ELL: variants seen among roughly 807,000 people sequenced by gnomAD.
The protein encoded by ELL is RNA polymerase II elongation factor ELL.
In ELL, 18 loss-of-function variants were observed where a neutral mutation model predicts 64.0. The ratio of observed to expected loss-of-function variants is 0.28; its 90% CI spans 0.19 to 0.42. ELL has a LOEUF of 0.42. Among genes scored for constraint, ELL ranks in the 10% least tolerant of loss-of-function variants. ELL has a pLI of 1.00. For synonymous variants in ELL, 399 were observed against 376.2 expected, an observed-to-expected ratio of 1.06 and a Z score of -0.70; for missense variants, 797 against 870.4, an observed-to-expected ratio of 0.92 and a Z score of 1.06.
rs946628598 is a variant in ELL, at chr19:18,450,945, G to A, written c.997C>T (p.Pro333Ser). The A allele has an allele frequency of 2.6e-6, 4 of 1,530,476 alleles. No homozygotes were observed. The highest frequency in any genetic ancestry group is 3.5e-6 in the Non-Finnish European group (4 of 1,138,970). 94.8% of individuals were successfully genotyped at this position (1,530,476 alleles called of 1,614,324 possible). Reference protein sequence around the residue: ...KRLQPPDFIDPLANKKPRISH... With the variant: ...KRLQPPDFIDSLANKKPRISH... The stretch of plus-strand genomic sequence containing the variant: ...ATCCGGGGTTTCTTGTTGGCTAGGG[G>A]GTCGATGAAATCAGGAGGCTGCAGC... The change falls in exon 8 of 12, where the codon CCC (proline) becomes TCC (serine). Residue 333 changes from proline to serine, a missense_variant. Pro to Ser is a moderately conservative substitution (Grantham distance 74). Transcript: ENST00000262809.
chr19:18,462,428 C>G (rs1351205183), intron 4 of ELL, among the ~76,000 whole-genome samples: 1 of 147,708 alleles, frequency 6.8e-6, no homozygotes, highest in East Asian at 2.0e-4. Context: ...GCTCTGTCAC[C>G]CAGGCTGGAG....
chr19:18,520,491 T>A (rs1600516615), intron 1 of ELL, among the ~76,000 whole-genome samples: 1 of 151,262 alleles, frequency 6.6e-6, no homozygotes. Flanking sequence ...CAAAAAAAAA[T>A]GAAATCCTCA....
intron 1 of ELL, among the ~76,000 whole-genome samples, chr19:18,498,065 T>C (rs1462857876): frequency 6.6e-6 from 1 of 150,760 alleles, no homozygotes; most frequent in African/African-American, 2.4e-5. Context: ...GAGGTGGAGG[T>C]TGGATGAGCC....
chr19:18,493,849 G>T (rs1255460660), intron 1 of ELL, among the ~76,000 whole-genome samples: 1 of 152,166 alleles, frequency 6.6e-6, no homozygotes, highest in Non-Finnish European at 1.5e-5. Context: ...TTGCTCTCTT[G>T]TCTGCACACA....
In ELL at chr19:18,458,205, C is replaced by G; in HGVS notation, c.869G>C (p.Arg290Pro). Reference protein sequence around the residue: ...DQQLLKRVLVRKLCQPQSTGS... With the variant: ...DQQLLKRVLVPKLCQPQSTGS... ...GCTGGGGGATGGGAGGCGGCATTAC[C>G]GGACGAGCACCCGCTTCAGCAGCTG... is the stretch of plus-strand genomic sequence containing the variant. The change falls in exon 6 of 12, where the codon CGG (arginine) becomes CCG (proline). Residue 290 changes from arginine to proline, a missense_variant and splice_region_variant. Physicochemically the swap from Arg to Pro is moderately radical, Grantham distance 103 (BLOSUM62 -2). Transcript: ENST00000262809. 1 of 1,608,922 alleles carries G rather than the reference C, an allele frequency of 6.2e-7. No homozygotes were observed. The highest frequency in any genetic ancestry group is 8.5e-7 in the Non-Finnish European group (1 of 1,179,832).
In ELL at chr19:18,450,771, G is replaced by A. The variant is rs776863035; in HGVS notation, c.1171C>T (p.Pro391Ser). 7 of 1,580,306 alleles carry A rather than the reference G, an allele frequency of 4.4e-6. No individual in the cohort carries two copies. In the African/African-American group the frequency reaches 6.7e-5, roughly 15 times the overall value. Residue 391 changes from proline (P) to serine (S), a missense_variant, in exon 8 of 12, where the codon CCG (proline) becomes TCG (serine). Pro to Ser is a moderately conservative substitution (Grantham distance 74). Coordinates refer to ENST00000262809, the MANE Select transcript of ELL (RefSeq NM_006532.4). The stretch of plus-strand genomic sequence containing the variant: ...TCGGCCAGGGGGTCGTGGGCCCTCG[G>A]GGGCTCCAGCCGCGGGGGCAGGTGA... ...STHLPPRLEP[P>S]RAHDPLADVS...
intron 1 of ELL, among the ~76,000 whole-genome samples, chr19:18,497,628 G>A (rs1186889093): frequency 6.6e-6 from 1 of 151,858 alleles, no homozygotes; most frequent in Non-Finnish European, 1.5e-5. Context: ...AGACCAGCCT[G>A]AGCAACACAG....
chr19:18,446,178 A>T (rs1337022798), intron 10 of ELL, 131 bp downstream of exon 10: 2 of 1,152,766 alleles, frequency 1.7e-6, no homozygotes, highest in Non-Finnish European at 2.4e-6. Flanking sequence ...GGAGTGCACC[A>T]GGGGGAGAAG....
In ELL at chr19:18,518,510, C is replaced by T. The variant is rs1370771439; in HGVS notation, c.135+3411G>A. ...GTCTCAAAAAAAAAAAAAAAGGGGGCCCAGCGTGGCGACTCAAGCTTATAA... is the reference window on the plus strand; with the variant it reads ...GTCTCAAAAAAAAAAAAAAAGGGGGTCCAGCGTGGCGACTCAAGCTTATAA... On this transcript the variant is annotated intron_variant, in intron 1 of 11. Transcript: ENST00000262809. Among the ~76,000 whole-genome samples the T allele has an allele frequency of 1.5e-4, 22 of 148,860 alleles. 2 individuals carry two copies. Among genetic ancestry groups the T allele is most frequent in the Admixed American group, 9.4e-4 (14 of 14,970 alleles).
chr19:18,473,199 C>G (rs2144931193), intron 1 of ELL: 1 of 621,636 alleles, frequency 1.6e-6, no homozygotes, highest in East Asian at 3.3e-5. Context: ...CCTTGGAAAG[C>G]CACCACCAGC....
intron 7 of ELL, among the ~76,000 whole-genome samples, 180 bp downstream of exon 7, chr19:18,451,372 G>C (rs575592532): frequency 3.3e-5 from 5 of 152,346 alleles, no homozygotes; most frequent in African/African-American, 1.2e-4. Flanking sequence ...ACACTGGCAG[G>C]AATCTGCCCC....
At chr19:18,508,253 G>A (rs1486734572) in intron 1 of ELL, among the ~76,000 whole-genome samples, 3 of 152,116 alleles carry the variant, frequency 2.0e-5, no homozygotes, top group Non-Finnish European at 2.9e-5. Flanking sequence ...AGACTGCAGT[G>A]AGCTATGATC....
intron 1 of ELL, among the ~76,000 whole-genome samples, chr19:18,508,197 C>T (rs1487950840): frequency 2.0e-5 from 3 of 152,168 alleles, no homozygotes; most frequent in Non-Finnish European, 4.4e-5. Flanking sequence ...GCCTATAGCA[C>T]TTTGGGAGGC....
chr19:18,450,352 C>G (rs1196196213), intron 8 of ELL, 125 bp downstream of exon 8: 2 of 1,454,464 alleles, frequency 1.4e-6, no homozygotes, highest in East Asian at 2.4e-5. Context: ...CTGATGGGGC[C>G]TGGGGCAACA....
At chr19:18,516,258 G>A (rs910042867) in intron 1 of ELL, among the ~76,000 whole-genome samples, 6 of 152,068 alleles carry the variant, frequency 3.9e-5, no homozygotes, top group East Asian at 1.9e-4. Flanking sequence ...CAGAAGAGCT[G>A]AGTACTGGCC....
chr19:18,509,897 A>T (rs561021218), intron 1 of ELL, among the ~76,000 whole-genome samples: 2 of 152,296 alleles, frequency 1.3e-5, no homozygotes, highest in East Asian at 3.9e-4. Flanking sequence ...CTCATTTTCC[A>T]CAAAAGCTTA....
chr19:18,516,557 T>A (rs374009487), intron 1 of ELL, among the ~76,000 whole-genome samples: 1 of 131,420 alleles, frequency 7.6e-6, no homozygotes, highest in Non-Finnish European at 1.5e-5. Flanking sequence ...CTGGTGGGTA[T>A]CCCGCCCTGA....
At chr19:18,511,298 T>C (rs767522916) in intron 1 of ELL, among the ~76,000 whole-genome samples, 101 of 148,920 alleles carry the variant, frequency 6.8e-4, no homozygotes, top group Non-Finnish European at 1.1e-3. Flanking sequence ...GGCGTGGTGG[T>C]GGGCGCCTGT....
At chr19:18,464,084 T>C (rs1288288299) in intron 4 of ELL, among the ~76,000 whole-genome samples, 1 of 151,992 alleles carries the variant, frequency 6.6e-6, no homozygotes, top group South Asian at 2.1e-4. Context: ...AACATGTATA[T>C]GGGGCCAGGT....
Sources: gnomAD v4.1 joint callset for allele counts (sites outside exome capture counted in the v4.1 genomes callset) on GRCh38, gnomAD v4.1.1 for gene constraint, MANE v1.5 for transcripts, NCBI Gene and HGNC (gene_info 2026-07-23, HGNC 2026-07-21) for gene names.